MTRF1: variants seen among roughly 807,000 people sequenced by gnomAD.
The protein encoded by MTRF1 is peptide chain release factor 1, mitochondrial.
Under a neutral mutation model 62.9 loss-of-function variants are expected in MTRF1, and 51 were observed. The observed-to-expected ratio is 0.81, with a 90% confidence interval of 0.65 to 1.02. The LOEUF (loss-of-function observed/expected upper bound fraction) is 1.02, where lower values mean the gene tolerates loss of function less well. Among genes scored for constraint, MTRF1 ranks in the 50% least tolerant of loss-of-function variants. The pLI is 0.00. For missense variants in MTRF1, 446 were observed against 530.0 expected (o/e 0.84, Z 1.56); for synonymous variants, 158 against 181.9 (o/e 0.87, Z 1.06).
chr13:41,270,977 C>A, the MTRF1 span, among the ~76,000 whole-genome samples: 1 of 151,808 alleles, frequency 6.6e-6, no homozygotes, highest in African/African-American at 2.4e-5. Context: ...GACCTCAGGT[C>A]ATCCACCCGC....
At chr13:41,275,498 CT>C in the MTRF1 span, among the ~76,000 whole-genome samples, 62 of 139,088 alleles carry the variant, frequency 4.5e-4, no homozygotes, top group South Asian at 7.0e-4. Flanking sequence ...CCGTGCCCGG[CT>C]TTTTTTTTTT....
chr13:41,262,541 A>C (rs1461433992), intron 1 of MTRF1: 1 of 152,192 alleles, frequency 6.6e-6, no homozygotes, highest in Non-Finnish European at 1.5e-5. Context: ...GGCTGTGTAC[A>C]ATAATTTTCT....
chr13:41,290,398 C>CT, the MTRF1 span, among the ~76,000 whole-genome samples: 186 of 121,026 alleles, frequency 1.5e-3, 1 homozygote, highest in Non-Finnish European at 2.1e-3. Context: ...CACACCCAGC[C>CT]TTTTTTTTTT....
the MTRF1 span, among the ~76,000 whole-genome samples, chr13:41,273,160 A>C: frequency 6.6e-6 from 1 of 152,134 alleles, no homozygotes; most frequent in East Asian, 1.9e-4. Flanking sequence ...CCCCGTCTCT[A>C]CTAAAAATAC....
At chr13:41,217,255 A>G in intron 9 of MTRF1, 27 bp from the exon 10 acceptor site, 2 of 1,299,644 alleles carry the variant, frequency 1.5e-6, no homozygotes, top group South Asian at 1.3e-5. Context: ...CTATTATGAA[A>G]CCTAATGATT....
At chr13:41,259,432 G>A (rs146374925) in intron 2 of MTRF1, among the ~76,000 whole-genome samples, 2,100 of 152,270 alleles carry the variant, frequency 0.014, 52 homozygotes, top group African/African-American at 0.048. Flanking sequence ...GGGCATGGTG[G>A]CTCATGCCTG....
the MTRF1 span, among the ~76,000 whole-genome samples, chr13:41,293,234 C>T: frequency 6.6e-6 from 1 of 151,978 alleles, no homozygotes; most frequent in Non-Finnish European, 1.5e-5. Context: ...TAAAATCTGG[C>T]ATAGTTGACC....
chr13:41,267,021 A>G (rs2040848577), upstream of MTRF1, among the ~76,000 whole-genome samples: 1 of 149,090 alleles, frequency 6.7e-6, no homozygotes, highest in East Asian at 2.0e-4. Flanking sequence ...AAAAAAACAA[A>G]TTTCCCTGTG....
chr13:41,273,133 T>C, the MTRF1 span, among the ~76,000 whole-genome samples: 2 of 152,014 alleles, frequency 1.3e-5, no homozygotes, highest in Non-Finnish European at 2.9e-5. Flanking sequence ...GAGACCATCC[T>C]AGCTAACACA....
chr13:41,311,548 C>A, the MTRF1 span: 1 of 1,607,940 alleles, frequency 6.2e-7, no homozygotes, highest in Non-Finnish European at 8.5e-7. Context: ...GTGCTGCTGC[C>A]GCCCAAGGAG....
chr13:41,269,569 A>G, the MTRF1 span, among the ~76,000 whole-genome samples: 2 of 151,982 alleles, frequency 1.3e-5, no homozygotes, highest in East Asian at 1.9e-4. Flanking sequence ...TTTTTTAAAA[A>G]GGACACACTT....
At chr13:41,283,379 C>T in the MTRF1 span, among the ~76,000 whole-genome samples, 11 of 152,186 alleles carry the variant, frequency 7.2e-5, no homozygotes, top group Middle Eastern at 3.4e-3. Flanking sequence ...ATGGGGGTAG[C>T]TTCAATTAAT....
At chr13:41,234,462 A>G (rs2036136021) in intron 6 of MTRF1, among the ~76,000 whole-genome samples, 1 of 152,168 alleles carries the variant, frequency 6.6e-6, no homozygotes. Context: ...TACAGACATG[A>G]GCCACCACAC....
the MTRF1 span, chr13:41,288,191 T>C: frequency 1.7e-4 from 82 of 480,402 alleles, no homozygotes; most frequent in Non-Finnish European, 3.1e-4. Context: ...TACCTTAACA[T>C]TGGCAGCAGA....
chr13:41,218,281 ATT>A (rs199717534), intron 9 of MTRF1, among the ~76,000 whole-genome samples: 227 of 117,762 alleles, frequency 1.9e-3, no homozygotes, highest in African/African-American at 5.7e-3. Flanking sequence ...CACCCAGCTA[ATT>A]TTTTTTTTTT....
At chr13:41,310,805 A>G in the MTRF1 span, among the ~76,000 whole-genome samples, 1 of 152,234 alleles carries the variant, frequency 6.6e-6, no homozygotes. Context: ...TCAAAAGTCT[A>G]CTTTGCATCG....
rs34937829 is a variant in MTRF1, at chr13:41,256,328, A to AT, written c.416-1709dup. 1.4e-3 allele frequency among the ~76,000 whole-genome samples: 197 copies of AT among 142,352 alleles called. No homozygotes were observed. The East Asian group carries it at 0.015, about 11-fold the overall frequency. The allele number at this position is 142,352 out of a possible 152,430, so 93.4% of individuals were successfully genotyped here. A position where few individuals can be genotyped will look rare whatever the true frequency, so the allele number is the denominator to read the frequency against. On this transcript the variant is annotated intron_variant, in intron 2 of 9. Transcript: ENST00000379480. ...CTAATTACAGACCATCTGTTGTAGAATTTTTTTTTTTTTTTTGAGATGGAG... is the reference window on the plus strand; with the variant it reads ...CTAATTACAGACCATCTGTTGTAGAATTTTTTTTTTTTTTTTTGAGATGGAG...
intron 1 of MTRF1, among the ~76,000 whole-genome samples, chr13:41,262,831 T>C (rs2040616179): frequency 6.6e-6 from 1 of 152,196 alleles, no homozygotes; most frequent in Admixed American, 6.5e-5. Context: ...AATCAAACTT[T>C]ACTGTCTCCA....
intron 7 of MTRF1, among the ~76,000 whole-genome samples, chr13:41,227,645 G>A (rs2034694326): frequency 6.6e-6 from 1 of 152,202 alleles, no homozygotes; most frequent in Non-Finnish European, 1.5e-5. Context: ...CATTAGAGGA[G>A]AAAGGGATTT....
Sources: allele counts gnomAD v4.1 joint callset (sites outside exome capture counted in the v4.1 genomes callset), GRCh38; gene constraint gnomAD v4.1.1; transcripts MANE v1.5; gene names NCBI Gene and HGNC (gene_info 2026-07-23, HGNC 2026-07-21).